The following CA8 variants were observed in gnomAD, a reference collection of about 807,000 sequenced individuals.
The protein encoded by CA8 is carbonic anhydrase 8 (inactive).
A neutral mutation model predicts 41.4 loss-of-function variants in CA8; 22 were observed. The ratio of observed to expected loss-of-function variants is 0.53; its 90% CI spans 0.38 to 0.76. CA8 has a LOEUF of 0.76. CA8 is among the 30% of genes least tolerant of loss of function. The probability of loss-of-function intolerance (pLI) is 0.00; values close to 1 mark genes in which losing one functional copy is unlikely to be tolerated. For missense variants in CA8, 270 were observed against 352.8 expected (o/e 0.77, Z 1.88); for synonymous variants, 121 against 130.6 (o/e 0.93, Z 0.50).
Position 60,224,552 on chromosome 8 carries a change from T to A in CA8, c.610A>T (p.Asn204Tyr), listed in dbSNP as rs1434085519. ...KSKTIPCFNP[N>Y]TLLPDPLLRD... is the part of the protein sequence containing the mutation. ...AAATACTCACCTGGTAATAAAGTGTTAGGATTAAAGCAAGGTATTGTTTTG... is the reference window on the plus strand; with the variant it reads ...AAATACTCACCTGGTAATAAAGTGTAAGGATTAAAGCAAGGTATTGTTTTG... The change falls in exon 6 of 9, where the codon AAC becomes TAC. Residue 204 changes from asparagine to tyrosine, a missense_variant. Coordinates refer to ENST00000317995, the MANE Select transcript of CA8 (RefSeq NM_004056.6). 1 of 1,579,406 alleles carries A rather than the reference T, an allele frequency of 6.3e-7. No homozygotes were observed. The highest frequency in any genetic ancestry group is 1.7e-5 in the Admixed American group (1 of 59,970).
intron 3 of CA8, among the ~76,000 whole-genome samples, chr8:60,259,278 T>C (rs1023373323): frequency 5.3e-5 from 8 of 152,254 alleles, no homozygotes; most frequent in Non-Finnish European, 1.2e-4. Context: ...CAGAACCCAA[T>C]TGAAAATATT....
At chr8:60,210,848 A>G (rs1474931490) in intron 7 of CA8, among the ~76,000 whole-genome samples, 2 of 152,198 alleles carry the variant, frequency 1.3e-5, no homozygotes, top group East Asian at 3.8e-4. Flanking sequence ...CAGCTATTAG[A>G]ATGAAAATAC....
At chr8:60,241,819 A>T (rs1436653482) in intron 3 of CA8, among the ~76,000 whole-genome samples, 3 of 151,596 alleles carry the variant, frequency 2.0e-5, no homozygotes, top group Non-Finnish European at 1.5e-5. Flanking sequence ...TTCATTTATT[A>T]TTTTGTAAAA....
Position 60,195,506 on chromosome 8 carries a change from T to C in CA8, c.*36-5521A>G, listed in dbSNP as rs150075271. Among the ~76,000 whole-genome samples, 399 of 152,296 alleles carry C rather than the reference T, an allele frequency of 2.6e-3. 3 individuals carry two copies. The highest frequency in any genetic ancestry group is 8.8e-3 in the African/African-American group (365 of 41,560). On this transcript the variant is annotated intron_variant, in intron 8 of 8. Coordinates refer to ENST00000317995, the MANE Select transcript of CA8 (RefSeq NM_004056.6). ...CTAAAGTATCCCTCTTTAAGTACAG[T>C]AATTCAGTGTAACATCTCCAAAATA...
chr8:60,233,761 A>G (rs1332020225), intron 3 of CA8, among the ~76,000 whole-genome samples: 3 of 152,142 alleles, frequency 2.0e-5, no homozygotes, highest in African/African-American at 4.8e-5. Flanking sequence ...TCCAACTGGC[A>G]TTTTTCTTAC....
rs981074384 is a variant in CA8 at position 60,242,938 on chromosome 8, A to G, written c.418-10559T>C. Among the ~76,000 whole-genome samples, 8 of 152,226 alleles carry G rather than the reference A, an allele frequency of 5.3e-5. No homozygotes were observed. The East Asian group carries it at 1.5e-3, about 29-fold the overall frequency. Reference sequence around the variant, plus strand: ...ATTATGCCGCTGAACTCATCTACTTACTTTCTTACAGTTTAAAGATAACTA... The same window carrying G: ...ATTATGCCGCTGAACTCATCTACTTGCTTTCTTACAGTTTAAAGATAACTA... On this transcript the variant is annotated intron_variant, in intron 3 of 8. Coordinates refer to ENST00000317995, the MANE Select transcript of CA8 (RefSeq NM_004056.6).
intron 2 of CA8, among the ~76,000 whole-genome samples, chr8:60,275,198 G>A (rs1397489611): frequency 6.6e-6 from 1 of 152,154 alleles, no homozygotes; most frequent in Non-Finnish European, 1.5e-5. Flanking sequence ...TCTTGATCAT[G>A]GTACTGTGAA....
chr8:60,223,433 T>C (rs1421285916), intron 6 of CA8, among the ~76,000 whole-genome samples: 1 of 152,148 alleles, frequency 6.6e-6, no homozygotes, highest in Non-Finnish European at 1.5e-5. Context: ...GCTGGGACTA[T>C]GGGTGCACAC....
chr8:60,236,591 G>T (rs1807838075), intron 3 of CA8, among the ~76,000 whole-genome samples: 1 of 152,110 alleles, frequency 6.6e-6, no homozygotes, highest in Admixed American at 6.5e-5. Context: ...ACAAAATTTG[G>T]GATTTATTCT....
intron 3 of CA8, among the ~76,000 whole-genome samples, chr8:60,261,082 G>A (rs1451394742): frequency 1.3e-5 from 2 of 151,758 alleles, no homozygotes; most frequent in Non-Finnish European, 2.9e-5. Flanking sequence ...GTGCCGCCTG[G>A]AAAGAGAAGA....
intron 8 of CA8, among the ~76,000 whole-genome samples, chr8:60,203,615 A>C (rs527915176): frequency 6.6e-6 from 1 of 152,302 alleles, no homozygotes; most frequent in East Asian, 1.9e-4. Flanking sequence ...CTGCTTCTAT[A>C]ATACCCTCTT....
At chr8:60,260,296 G>A (rs1803688983) in intron 3 of CA8, among the ~76,000 whole-genome samples, 1 of 152,100 alleles carries the variant, frequency 6.6e-6, no homozygotes, top group East Asian at 1.9e-4. Flanking sequence ...CCCATTCTTG[G>A]AGGTAGCAGG....
rs1805983440 is a variant in CA8, at chr8:60,186,986, A to C, written c.*3035T>G. On this transcript the variant is annotated 3_prime_UTR_variant, in exon 9 of 9. Transcript: ENST00000317995. ...CACAACAGGCCAACACTATAGACCT[A>C]ACAGCCATCTATCTATAGAACACAG... Among the ~76,000 whole-genome samples the C allele has an allele frequency of 6.6e-6, 1 of 152,100 alleles. No homozygotes were observed. Among genetic ancestry groups the C allele is most frequent in the Non-Finnish European group, 1.5e-5 (1 of 67,946 alleles).
chr8:60,225,823 A>G (rs537986573), intron 5 of CA8, among the ~76,000 whole-genome samples: 1 of 152,332 alleles, frequency 6.6e-6, no homozygotes, highest in East Asian at 1.9e-4. Context: ...GGCACTGCTT[A>G]TAAGAGAGAC....
rs115375832 is a variant in CA8 at position 60,240,934 on chromosome 8, T to G, written c.418-8555A>C. Among the ~76,000 whole-genome samples, 1,224 of 150,866 alleles carry G rather than the reference T, an allele frequency of 8.1e-3. 16 individuals are homozygous for G. Among genetic ancestry groups the G allele is most frequent in the African/African-American group, 0.028 (1,152 of 40,974 alleles). The stretch of plus-strand genomic sequence containing the variant: ...ATACTGGAAATTGAAAGAAAGAAGA[T>G]AGTAAGCACTGGAAAAAGAAGGAAA... On this transcript the variant is annotated intron_variant, in intron 3 of 8. Coordinates refer to ENST00000317995, the MANE Select transcript of CA8 (RefSeq NM_004056.6).
intron 3 of CA8, among the ~76,000 whole-genome samples, chr8:60,263,911 T>C (rs574249258): frequency 4.6e-5 from 7 of 152,348 alleles, no homozygotes; most frequent in African/African-American, 1.4e-4. Flanking sequence ...GGATGACTGA[T>C]ACAAGTATTT....
In CA8 at chr8:60,186,381, C is replaced by G. The variant is rs1390841158; in HGVS notation, c.*3640G>C. The stretch of plus-strand genomic sequence containing the variant: ...AAGTATATGATATGCCCTTTAGCAA[C>G]CACTGTGAAAATATACTCAAAAAAA... On this transcript the variant is annotated 3_prime_UTR_variant, in exon 9 of 9. Transcript: ENST00000317995. 6.7e-6 allele frequency among the ~76,000 whole-genome samples: 1 copy of G among 150,322 alleles called. No homozygotes were observed. Among genetic ancestry groups the G allele is most frequent in the Non-Finnish European group, 1.5e-5 (1 of 67,576 alleles).
intron 2 of CA8, among the ~76,000 whole-genome samples, chr8:60,271,298 T>C (rs1376284139): frequency 2.0e-5 from 3 of 150,944 alleles, no homozygotes; most frequent in Non-Finnish European, 4.4e-5. Flanking sequence ...GCTATGACTG[T>C]ACTCCAGCGT....
chr8:60,231,553 G>C (rs1807648038), intron 4 of CA8, among the ~76,000 whole-genome samples: 1 of 152,162 alleles, frequency 6.6e-6, no homozygotes, highest in Admixed American at 6.5e-5. Context: ...AGGCAGCCCA[G>C]AGCCACGCAG....
Sources: gnomAD v4.1 joint callset for allele counts (sites outside exome capture counted in the v4.1 genomes callset) on GRCh38, gnomAD v4.1.1 for gene constraint, MANE v1.5 for transcripts, NCBI Gene and HGNC (gene_info 2026-07-23, HGNC 2026-07-21) for gene names.